SCARA3: variants seen among roughly 807,000 people sequenced by gnomAD.
The protein encoded by SCARA3 is scavenger receptor class A member 3.
Under a neutral mutation model 47.0 loss-of-function variants are expected in SCARA3, and 39 were observed. That is an observed-to-expected ratio of 0.83 (90% CI 0.64 to 1.08). The LOEUF (loss-of-function observed/expected upper bound fraction) is 1.08, where lower values mean the gene tolerates loss of function less well. Among genes scored for constraint, SCARA3 ranks in the 50% least tolerant of loss-of-function variants. The probability of loss-of-function intolerance (pLI) is 0.00; values close to 1 mark genes in which losing one functional copy is unlikely to be tolerated. For missense variants in SCARA3, 724 were observed against 792.3 expected, an observed-to-expected ratio of 0.91 and a Z score of 1.04; for synonymous variants, 356 against 334.1, an observed-to-expected ratio of 1.07 and a Z score of -0.71.
At chr8:27,676,550 T>G (rs374146890), downstream of SCARA3, 118 of 1,610,964 alleles carry the variant, frequency 7.3e-5, no homozygotes, top group Non-Finnish European at 9.4e-5. Flanking sequence ...AACATCTCAA[T>G]GTGTTTCATC....
chr8:27,676,630 C>T, downstream of SCARA3: 3 of 1,279,316 alleles, frequency 2.3e-6, no homozygotes, highest in Non-Finnish European at 3.4e-6. Context: ...CCCAGGATGA[C>T]CAAGAATATA....
chr8:27,686,849 G>A, the SCARA3 span, among the ~76,000 whole-genome samples: 1 of 152,146 alleles, frequency 6.6e-6, no homozygotes, highest in Non-Finnish European at 1.5e-5. Context: ...TGTTACGTAG[G>A]TAAACGTGTG....
chr8:27,673,022 A>T (rs1802204416), downstream of SCARA3: 6 of 984,364 alleles, frequency 6.1e-6, no homozygotes, highest in Admixed American at 3.7e-4. Context: ...TCCAGGAGTG[A>T]GGTGTCTTTG....
intron 1 of SCARA3, among the ~76,000 whole-genome samples, chr8:27,645,577 T>C (rs989509220): frequency 6.6e-6 from 1 of 152,254 alleles, no homozygotes; most frequent in Admixed American, 6.5e-5. Flanking sequence ...CTAACCAGCT[T>C]CCAGGCCACT....
chr8:27,725,971 G>T, the SCARA3 span, among the ~76,000 whole-genome samples: 3 of 152,224 alleles, frequency 2.0e-5, no homozygotes, highest in African/African-American at 7.2e-5. Flanking sequence ...AGAGCAGCAG[G>T]TAGAAGTCAC....
chr8:27,715,175 C>A, the SCARA3 span, among the ~76,000 whole-genome samples: 1 of 152,222 alleles, frequency 6.6e-6, no homozygotes, highest in Non-Finnish European at 1.5e-5. The surrounding 1 kb of genome is among the most constrained non-coding windows in gnomAD (Gnocchi z 4.2). Context: ...ATCCTCCCAT[C>A]TTGGCCTCCC....
chr8:27,644,687 A>G (rs986938748), intron 1 of SCARA3, among the ~76,000 whole-genome samples: 2 of 152,034 alleles, frequency 1.3e-5, no homozygotes, highest in African/African-American at 4.8e-5. Context: ...CTGCCTTCCT[A>G]TAAACGGAGT....
Position 27,659,327 on chromosome 8 carries a change from C to T in SCARA3, c.1157C>T (p.Thr386Met), listed in dbSNP as rs767662250. 9.9e-6 allele frequency: 16 copies of T among 1,613,982 alleles called. No homozygotes were observed. The highest frequency in any genetic ancestry group is 4.0e-5 in the African/African-American group (3 of 74,894). The change falls in exon 5 of 6, where the codon ACG (threonine) becomes ATG (methionine). Residue 386 changes from threonine to methionine, a missense_variant. Transcript: ENST00000301904. ...CTGGATGACGTGCGGCTCTCCTGCA[C>T]GCTGGGCTTCCACACCCATGCCGAG... ...KYLDDVRLSCTLGFHTHAEEL... is the reference protein window; with the variant it reads ...KYLDDVRLSCMLGFHTHAEEL...
downstream of SCARA3, chr8:27,676,420 C>G: frequency 1.4e-6 from 1 of 704,650 alleles, no homozygotes; most frequent in Non-Finnish European, 2.4e-6. Flanking sequence ...TCAAAGGAAG[C>G]CAGGTGCTGA....
At position 27,672,229 on chromosome 8, in the gene SCARA3, G is replaced by A. The variant is rs992523298; in HGVS notation, c.*878G>A. 1.3e-5 allele frequency: 13 copies of A among 985,344 alleles called. No individual in the cohort carries two copies. The highest frequency in any genetic ancestry group is 1.2e-4 in the Admixed American group (2 of 16,268). 61.0% of individuals were successfully genotyped at this position (985,344 alleles called of 1,614,324 possible). A position where few individuals can be genotyped will look rare whatever the true frequency, so the allele number is the denominator to read the frequency against. The stretch of plus-strand genomic sequence containing the variant: ...AGAAGTTCAACATTTATTTCTTCAC[G>A]TGTCCAGAAAATTCCTCAATTCATC... On this transcript the variant is annotated 3_prime_UTR_variant, in exon 6 of 6. Coordinates refer to ENST00000301904, the MANE Select transcript of SCARA3 (RefSeq NM_016240.3).
the SCARA3 span, among the ~76,000 whole-genome samples, chr8:27,700,377 T>C: frequency 6.6e-6 from 1 of 152,132 alleles, no homozygotes; most frequent in African/African-American, 2.4e-5. Flanking sequence ...GAGGCCGAGA[T>C]GGGCAAATCA....
intron 5 of SCARA3, among the ~76,000 whole-genome samples, chr8:27,665,445 G>A (rs969810681): frequency 3.3e-5 from 5 of 152,238 alleles, no homozygotes; most frequent in African/African-American, 1.2e-4. Flanking sequence ...GTGCTAGACT[G>A]TGTCCATGCT....
At chr8:27,642,511 C>T (rs929193982) in intron 1 of SCARA3, among the ~76,000 whole-genome samples, 1 of 152,128 alleles carries the variant, frequency 6.6e-6, no homozygotes. Flanking sequence ...TCAGGGGTGA[C>T]AACGGGGATC....
At chr8:27,720,557 T>A in the SCARA3 span, among the ~76,000 whole-genome samples, 5,091 of 152,150 alleles carry the variant, frequency 0.033, 270 homozygotes, top group East Asian at 0.2. Context: ...CGAGTCTCCA[T>A]CACCACCTGA....
the SCARA3 span, among the ~76,000 whole-genome samples, chr8:27,718,507 G>A: frequency 6.6e-6 from 1 of 152,238 alleles, no homozygotes; most frequent in Non-Finnish European, 1.5e-5. Flanking sequence ...CCAGTGCCCA[G>A]AAGTGTGAAG....
At chr8:27,703,925 GT>G in the SCARA3 span, 4 of 132,792 alleles carry the variant, frequency 3.0e-5, no homozygotes, top group African/African-American at 1.1e-4. Context: ...GAAAATAAGA[GT>G]TTTGATGAAA....
rs1203537861 is a variant in SCARA3, at chr8:27,671,256, CG to C, written c.1732del (p.Ala578ProfsTer86). On this transcript the variant is annotated frameshift_variant, in exon 6 of 6. Coordinates refer to ENST00000301904, the MANE Select transcript of SCARA3 (RefSeq NM_016240.3). LOFTEE classifies it high-confidence loss of function. ...AGGGAAGACAGGGTCACCAGGCCAG[CG>C]GGGGGCCATGGGGCCTAAGGGTGAA... is the stretch of plus-strand genomic sequence containing the variant. ...IAGKTGSPGQ[R>X]GAMGPKGEPG... 6.7e-7 allele frequency: 1 copy of C among 1,486,898 alleles called. No homozygotes were observed. The highest frequency in any genetic ancestry group is 1.4e-5 in the South Asian group (1 of 72,558). The allele number at this position is 1,486,898 out of a possible 1,614,324, so 92.1% of individuals were successfully genotyped here.
chr8:27,660,121 C>A (rs1263465591), intron 5 of SCARA3, among the ~76,000 whole-genome samples: 1 of 151,942 alleles, frequency 6.6e-6, no homozygotes. Flanking sequence ...TGGAGGCTGT[C>A]ACTCTGAAAA....
the SCARA3 span, among the ~76,000 whole-genome samples, chr8:27,701,010 G>A: frequency 6.6e-6 from 1 of 151,766 alleles, no homozygotes; most frequent in Admixed American, 6.6e-5. Flanking sequence ...GTCCAGAATA[G>A]CAAAAAACTG....
Sources: gnomAD v4.1 joint callset for allele counts (sites outside exome capture counted in the v4.1 genomes callset) on GRCh38, gnomAD v4.1.1 for gene constraint, Gnocchi (gnomAD v3.1) non-coding constraint, MANE v1.5 for transcripts, NCBI Gene and HGNC (gene_info 2026-07-23, HGNC 2026-07-21) for gene names.